Variants in GRM1 observed in about 807,000 individuals in gnomAD.
GRM1 encodes glutamate metabotropic receptor 1, also known as metabotropic glutamate receptor 1.
Under a neutral mutation model 90.9 loss-of-function variants are expected in GRM1, and 33 were observed. The ratio of observed to expected loss-of-function variants is 0.36; its 90% CI spans 0.28 to 0.49. The LOEUF is 0.49. Ranked by LOEUF, GRM1 falls within the 20% of genes least tolerant of loss-of-function variation. GRM1 has a pLI of 0.99. For missense variants in GRM1, 1,190 were observed against 1,534.3 expected (o/e 0.78, Z 3.75); for synonymous variants, 700 against 613.2 (o/e 1.14, Z -2.09).
chr6:146,116,872 G>A (rs1319231217), intron 1 of GRM1, among the ~76,000 whole-genome samples: 1 of 151,398 alleles, frequency 6.6e-6, no homozygotes, highest in Non-Finnish European at 1.5e-5. Flanking sequence ...TTCTTATTTT[G>A]GCATAAAATT....
chr6:146,251,293 T>C (rs1468385728), intron 2 of GRM1, among the ~76,000 whole-genome samples: 1 of 152,196 alleles, frequency 6.6e-6, no homozygotes, highest in Non-Finnish European at 1.5e-5. Flanking sequence ...CTAATTTAAT[T>C]GGTGTAAGTT....
chr6:146,186,031 C>T (rs1039637877), intron 2 of GRM1, among the ~76,000 whole-genome samples: 3 of 151,378 alleles, frequency 2.0e-5, no homozygotes, highest in Admixed American at 2.0e-4. Context: ...TCACTACAAC[C>T]TACACTTCCT....
chr6:146,165,224 G>A (rs763002319), intron 2 of GRM1, among the ~76,000 whole-genome samples: 1 of 152,070 alleles, frequency 6.6e-6, no homozygotes, highest in Non-Finnish European at 1.5e-5. Flanking sequence ...TCATTTAAAA[G>A]CAAATGAAAT....
chr6:146,396,824 C>T (rs951138781), intron 6 of GRM1, among the ~76,000 whole-genome samples: 11 of 152,216 alleles, frequency 7.2e-5, no homozygotes, highest in African/African-American at 2.6e-4. Context: ...CCAAATGGTG[C>T]ATTTCAAAAC....
intron 7 of GRM1, 38 bp from the exon 8 acceptor site, chr6:146,433,834 T>A (rs757000206): frequency 7.3e-7 from 1 of 1,371,434 alleles, no homozygotes; most frequent in South Asian, 1.2e-5. Context: ...GTGTGCATGA[T>A]CTATCTGCAA....
intron 2 of GRM1, among the ~76,000 whole-genome samples, chr6:146,177,798 T>C (rs1484656122): frequency 6.6e-6 from 1 of 152,150 alleles, no homozygotes; most frequent in African/African-American, 2.4e-5. Context: ...CACAATCTCA[T>C]AGTCATATAA....
At chr6:146,355,422 G>T in intron 4 of GRM1, among the ~76,000 whole-genome samples, 1 of 152,210 alleles carries the variant, frequency 6.6e-6, no homozygotes, top group East Asian at 1.9e-4. Flanking sequence ...GCAAAGAGAT[G>T]AATAATGTGC....
At chr6:146,381,313 A>C (rs1460278280) in intron 5 of GRM1, among the ~76,000 whole-genome samples, 1 of 152,218 alleles carries the variant, frequency 6.6e-6, no homozygotes, top group Non-Finnish European at 1.5e-5. Context: ...CCATGGAATC[A>C]GCGAGTATCT....
chr6:146,343,279 C>T (rs1020601799), intron 3 of GRM1, among the ~76,000 whole-genome samples: 1 of 152,122 alleles, frequency 6.6e-6, no homozygotes, highest in Non-Finnish European at 1.5e-5. Flanking sequence ...CAGCTAAGGT[C>T]GTGTTTACCA....
At chr6:146,276,203 C>G (rs2114840033) in intron 2 of GRM1, among the ~76,000 whole-genome samples, 1 of 152,092 alleles carries the variant, frequency 6.6e-6, no homozygotes, top group East Asian at 1.9e-4. Context: ...CGGGTACCAC[C>G]AGTACAGTGA....
At chr6:146,394,598 C>T (rs1776859702) in intron 6 of GRM1, among the ~76,000 whole-genome samples, 1 of 151,934 alleles carries the variant, frequency 6.6e-6, no homozygotes, top group Non-Finnish European at 1.5e-5. Context: ...TATCAAGGTT[C>T]CCTTTCATTT....
At chr6:146,210,049 G>T (rs1779636217) in intron 2 of GRM1, among the ~76,000 whole-genome samples, 1 of 152,130 alleles carries the variant, frequency 6.6e-6, no homozygotes, top group South Asian at 2.1e-4. Context: ...ATTTTTGAAT[G>T]CAGGATGGGG....
At chr6:146,300,647 G>A (rs1340763772) in intron 2 of GRM1, among the ~76,000 whole-genome samples, 2 of 152,240 alleles carry the variant, frequency 1.3e-5, no homozygotes, top group African/African-American at 4.8e-5. Flanking sequence ...TCATAACTGA[G>A]AAGCAGATGG....
chr6:146,038,322 T>A (rs1365745046), intron 1 of GRM1, among the ~76,000 whole-genome samples: 2 of 151,862 alleles, frequency 1.3e-5, no homozygotes, highest in Non-Finnish European at 2.9e-5. Context: ...AGAGTTGAAA[T>A]CCAGAGATCT....
chr6:146,254,475 G>A (rs1781416171), intron 2 of GRM1, among the ~76,000 whole-genome samples: 2 of 152,106 alleles, frequency 1.3e-5, no homozygotes, highest in Admixed American at 6.5e-5. Context: ...CCTTTAAAGT[G>A]ATTTATTAAA....
At chr6:146,140,294 A>C (rs183503913) in intron 1 of GRM1, among the ~76,000 whole-genome samples, 3 of 151,092 alleles carry the variant, frequency 2.0e-5, no homozygotes, top group African/African-American at 7.3e-5. Flanking sequence ...TTTTGAGACA[A>C]AGTCTCACAC....
chr6:146,339,820 C>G (rs572821764), intron 3 of GRM1, among the ~76,000 whole-genome samples: 1 of 152,328 alleles, frequency 6.6e-6, no homozygotes, highest in East Asian at 1.9e-4. Flanking sequence ...CTCAGCTATC[C>G]TTTCCCTTAA....
At chr6:146,371,184 G>C (rs1207776580) in intron 5 of GRM1, among the ~76,000 whole-genome samples, 1 of 152,042 alleles carries the variant, frequency 6.6e-6, no homozygotes, top group Non-Finnish European at 1.5e-5. Context: ...GTGTAACTGG[G>C]GAAAAACGGA....
intron 1 of GRM1, among the ~76,000 whole-genome samples, chr6:146,038,949 G>A (rs937029694): frequency 1.3e-5 from 2 of 151,234 alleles, no homozygotes; most frequent in African/African-American, 2.4e-5. Flanking sequence ...CTTTTTTTTC[G>A]ATAAATAAAT....
Sources: allele counts gnomAD v4.1 joint callset (sites outside exome capture counted in the v4.1 genomes callset), GRCh38; gene constraint gnomAD v4.1.1; transcripts MANE v1.5; gene names NCBI Gene and HGNC (gene_info 2026-07-23, HGNC 2026-07-21).